Variants in DLGAP2 observed in about 807,000 individuals in gnomAD.
DLGAP2 encodes the protein disks large-associated protein 2.
DLGAP2 carries 26 observed loss-of-function variants against 100.3 expected under a neutral mutation model. The observed-to-expected ratio is 0.26, with a 90% CI of 0.19 to 0.36. The LOEUF (loss-of-function observed/expected upper bound fraction) is 0.36, where lower values mean the gene tolerates loss of function less well. Among genes scored for constraint, DLGAP2 ranks in the 10% least tolerant of loss-of-function variants. The probability of loss-of-function intolerance (pLI) is 1.00; values close to 1 mark genes in which losing one functional copy is unlikely to be tolerated. For missense variants in DLGAP2, 1,858 were observed against 1,453.2 expected (o/e 1.28, Z -4.53); for synonymous variants, 886 against 630.1 (o/e 1.41, Z -6.08).
At position 1,368,312 on chromosome 8, in the gene DLGAP2, T is replaced by C. The variant is rs147714218; in HGVS notation, c.106+109429T>C. On this transcript the variant is annotated intron_variant, in intron 3 of 14. Coordinates refer to ENST00000637795, the MANE Select transcript of DLGAP2 (RefSeq NM_001346810.2). ...TGTATTATGTGTATGTGCATGTGCATAGCTGTGTGTGTGCATGCATGTGTG... is the reference window on the plus strand; with the variant it reads ...TGTATTATGTGTATGTGCATGTGCACAGCTGTGTGTGTGCATGCATGTGTG... Among the ~76,000 whole-genome samples, 225 of 151,970 alleles carry C rather than the reference T, an allele frequency of 1.5e-3. 2 individuals are homozygous for C. Among genetic ancestry groups the C allele is most frequent in the African/African-American group, 5.1e-3 (210 of 41,390 alleles).
intron 2 of DLGAP2, among the ~76,000 whole-genome samples, chr8:1,175,277 G>C (rs906341930): frequency 6.6e-6 from 1 of 151,864 alleles, no homozygotes; most frequent in Non-Finnish European, 1.5e-5. Context: ...GTTAAATTTA[G>C]CCCAATAGTG....
chr8:1,069,899 C>T (rs1803375624), intron 2 of DLGAP2, among the ~76,000 whole-genome samples: 1 of 152,156 alleles, frequency 6.6e-6, no homozygotes, highest in South Asian at 2.1e-4. Context: ...CTCAGTTTCC[C>T]CTCCCGTCCT....
chr8:1,621,118 C>G (rs1563261710), intron 6 of DLGAP2: 1 of 152,258 alleles, frequency 6.6e-6, no homozygotes, highest in East Asian at 1.9e-4. Flanking sequence ...TCTTGCACTT[C>G]CAAGCACCCA....
At chr8:1,043,418 G>C (rs1304883962) in intron 2 of DLGAP2, among the ~76,000 whole-genome samples, 1 of 151,778 alleles carries the variant, frequency 6.6e-6, no homozygotes, top group East Asian at 1.9e-4. Flanking sequence ...GGTGGTGGAT[G>C]TGGGTGGTGG....
At chr8:898,525 G>T (rs1347273700) in intron 1 of DLGAP2, among the ~76,000 whole-genome samples, 1 of 152,176 alleles carries the variant, frequency 6.6e-6, no homozygotes, top group Non-Finnish European at 1.5e-5. Context: ...TCTAGTCACG[G>T]AGACATGATT....
At chr8:1,318,557 C>T (rs1389086908) in intron 3 of DLGAP2, among the ~76,000 whole-genome samples, 1 of 151,202 alleles carries the variant, frequency 6.6e-6, no homozygotes, top group Non-Finnish European at 1.5e-5. Flanking sequence ...GTTGTCAGGG[C>T]CGGTTCGTTA....
chr8:862,030 T>C (rs530223979), intron 1 of DLGAP2, among the ~76,000 whole-genome samples: 1 of 152,358 alleles, frequency 6.6e-6, no homozygotes, highest in East Asian at 1.9e-4. Flanking sequence ...ATTCCAACCT[T>C]CTGCATCAGT....
chr8:1,505,325 G>A (rs752018137), intron 4 of DLGAP2, among the ~76,000 whole-genome samples: 1 of 152,308 alleles, frequency 6.6e-6, no homozygotes, highest in African/African-American at 2.4e-5. Context: ...GCACAGTATA[G>A]GTTAAAGTCA....
At chr8:1,664,364 G>A (rs902500403) in intron 8 of DLGAP2, among the ~76,000 whole-genome samples, 12 of 152,034 alleles carry the variant, frequency 7.9e-5, no homozygotes, top group African/African-American at 2.2e-4. Context: ...CTCAAGGCAC[G>A]GCCAGGCTCA....
chr8:1,237,081 C>T (rs1259851409), intron 2 of DLGAP2, among the ~76,000 whole-genome samples: 2 of 135,954 alleles, frequency 1.5e-5, no homozygotes, highest in Admixed American at 7.3e-5. Context: ...TCACATGGCG[C>T]CGTGTCTAGT....
At chr8:872,257 T>C (rs901823016) in intron 1 of DLGAP2, among the ~76,000 whole-genome samples, 1 of 151,966 alleles carries the variant, frequency 6.6e-6, no homozygotes, top group East Asian at 1.9e-4. Context: ...TTAGGACAGA[T>C]GAAAAGATGC....
At chr8:739,902 C>T (rs1323299790) in intron 1 of DLGAP2, 2 of 152,242 alleles carry the variant, frequency 1.3e-5, no homozygotes, top group Non-Finnish European at 2.9e-5. Context: ...CGAGGTGACA[C>T]AGAGCCGGCC....
chr8:1,166,840 G>A (rs767541708), intron 2 of DLGAP2, among the ~76,000 whole-genome samples: 4 of 152,050 alleles, frequency 2.6e-5, no homozygotes, highest in Non-Finnish European at 4.4e-5. Context: ...TCTACATATG[G>A]ATAATGATAA....
intron 2 of DLGAP2, among the ~76,000 whole-genome samples, chr8:1,256,668 C>G (rs566625045): frequency 2.1e-4 from 32 of 152,072 alleles, no homozygotes; most frequent in Middle Eastern, 3.4e-3. Flanking sequence ...CGTGGGGAGT[C>G]TCACCTTGGA....
intron 2 of DLGAP2, among the ~76,000 whole-genome samples, chr8:972,268 A>G (rs146380371): frequency 8.5e-5 from 13 of 152,348 alleles, no homozygotes; most frequent in Non-Finnish European, 1.6e-4. Flanking sequence ...CCTACAAGGC[A>G]TGCGGAAAGG....
intron 8 of DLGAP2, among the ~76,000 whole-genome samples, chr8:1,652,561 G>C (rs954903544): frequency 6.6e-6 from 1 of 152,196 alleles, no homozygotes; most frequent in African/African-American, 2.4e-5. Context: ...TTCCAGGAGA[G>C]CAGAGACAAG....
chr8:1,448,110 A>ATTTCTTGCCTTCTGCTAGCT (rs1281799316), intron 3 of DLGAP2, among the ~76,000 whole-genome samples: 3 of 151,746 alleles, frequency 2.0e-5, no homozygotes, highest in African/African-American at 7.3e-5. Context: ...GATTTTAGTT[A>ATTTCTTGCCTTCTGCTAGCT]TTTCTTGCCT....
intron 3 of DLGAP2, among the ~76,000 whole-genome samples, chr8:1,263,965 C>G (rs1018543858): frequency 6.6e-6 from 1 of 152,178 alleles, no homozygotes; most frequent in Non-Finnish European, 1.5e-5. Flanking sequence ...TCTAGCCAGT[C>G]TGTCTTCTAG....
chr8:1,135,756 C>G (rs903380149), intron 2 of DLGAP2, among the ~76,000 whole-genome samples: 1 of 152,002 alleles, frequency 6.6e-6, no homozygotes, highest in African/African-American at 2.4e-5. Flanking sequence ...CAGAGGATGG[C>G]CACTTTTGTG....
Sources: gnomAD v4.1 joint callset for allele counts (sites outside exome capture counted in the v4.1 genomes callset) on GRCh38, gnomAD v4.1.1 for gene constraint, MANE v1.5 for transcripts, NCBI Gene and HGNC (gene_info 2026-07-23, HGNC 2026-07-21) for gene names.